Variants in HTR7 observed in about 807,000 individuals in gnomAD.
HTR7 encodes 5-HT-7.
Under a neutral mutation model 34.0 loss-of-function variants are expected in HTR7, and 16 were observed. That is an observed-to-expected ratio of 0.47 (90% CI 0.32 to 0.71). The LOEUF (loss-of-function observed/expected upper bound fraction) is 0.71, where lower values mean the gene tolerates loss of function less well. HTR7 is among the 30% of genes least tolerant of loss of function. The probability of loss-of-function intolerance (pLI) is 0.04; values close to 1 mark genes in which losing one functional copy is unlikely to be tolerated. For missense variants in HTR7, 504 were observed against 625.5 expected, an observed-to-expected ratio of 0.81 and a Z score of 2.07; for synonymous variants, 265 against 260.2, an observed-to-expected ratio of 1.02 and a Z score of -0.18.
chr10:90,793,106 G>T (rs1845484613), intron 1 of HTR7, among the ~76,000 whole-genome samples: 1 of 152,108 alleles, frequency 6.6e-6, no homozygotes, highest in Non-Finnish European at 1.5e-5. Flanking sequence ...TCAAGAGGGT[G>T]CAAAGGCAAC....
At chr10:90,849,970 G>A (rs919266633) in intron 1 of HTR7, among the ~76,000 whole-genome samples, 11 of 152,234 alleles carry the variant, frequency 7.2e-5, no homozygotes, top group East Asian at 3.8e-4. Flanking sequence ...TTCCCTTGGG[G>A]CACTTGCCAA....
chr10:90,746,156 A>G (rs1035561887), intron 2 of HTR7, among the ~76,000 whole-genome samples: 8 of 152,224 alleles, frequency 5.3e-5, no homozygotes, highest in Non-Finnish European at 1.0e-4. Context: ...CAGAATGGAA[A>G]TGAAGAAAAC....
chr10:90,771,350 G>A (rs1446067843), intron 1 of HTR7, among the ~76,000 whole-genome samples: 1 of 152,200 alleles, frequency 6.6e-6, no homozygotes, highest in Non-Finnish European at 1.5e-5. Context: ...CCCACCAAAT[G>A]GCGAGGCTAA....
At chr10:90,773,829 C>T (rs757720180) in intron 1 of HTR7, among the ~76,000 whole-genome samples, 4 of 152,196 alleles carry the variant, frequency 2.6e-5, no homozygotes, top group Non-Finnish European at 4.4e-5. Context: ...ATATGTACCA[C>T]ATTTCCTTTA....
intron 1 of HTR7, among the ~76,000 whole-genome samples, chr10:90,770,235 G>A (rs73314008): frequency 0.031 from 4,687 of 152,298 alleles, 202 homozygotes; most frequent in African/African-American, 0.097. Flanking sequence ...GAGGGAGCCA[G>A]GGATAAGAGG....
chr10:90,829,560 T>G (rs1319991035), intron 1 of HTR7, among the ~76,000 whole-genome samples: 1 of 151,238 alleles, frequency 6.6e-6, no homozygotes, highest in African/African-American at 2.4e-5. Context: ...GATGTTCCCC[T>G]CCCTGTGAAG....
At chr10:90,759,930 C>T (rs557837119) in intron 1 of HTR7, among the ~76,000 whole-genome samples, 27 of 152,282 alleles carry the variant, frequency 1.8e-4, no homozygotes, top group African/African-American at 6.0e-4. Flanking sequence ...ATAGTTTATA[C>T]AAATCCAACC....
intron 1 of HTR7, among the ~76,000 whole-genome samples, chr10:90,819,936 TG>T (rs1195166336): frequency 1.3e-5 from 2 of 152,334 alleles, no homozygotes; most frequent in East Asian, 3.9e-4. Flanking sequence ...ATCAGTTGAT[TG>T]AAAAAAATAC....
At chr10:90,791,540 G>A (rs1393648223) in intron 1 of HTR7, among the ~76,000 whole-genome samples, 1 of 152,064 alleles carries the variant, frequency 6.6e-6, no homozygotes, top group Non-Finnish European at 1.5e-5. Flanking sequence ...GTGTATGTAA[G>A]CATTTTAGTT....
intron 2 of HTR7, among the ~76,000 whole-genome samples, chr10:90,747,392 G>A (rs1292855875): frequency 1.3e-5 from 2 of 152,162 alleles, no homozygotes; most frequent in African/African-American, 4.8e-5. Context: ...TACAGTACAT[G>A]TTCTAGAACT....
chr10:90,745,583 T>C (rs1844620577), intron 2 of HTR7, among the ~76,000 whole-genome samples: 1 of 152,230 alleles, frequency 6.6e-6, no homozygotes, highest in African/African-American at 2.4e-5. Flanking sequence ...TTTCTGTATC[T>C]TCCTCAATGC....
chr10:90,832,480 C>T (rs566400956), intron 1 of HTR7, among the ~76,000 whole-genome samples: 12 of 152,292 alleles, frequency 7.9e-5, no homozygotes, highest in African/African-American at 2.9e-4. Context: ...AGTGCGGGCC[C>T]GCCAAGCCCA....
intron 1 of HTR7, among the ~76,000 whole-genome samples, chr10:90,787,176 C>A (rs930490086): frequency 2.1e-4 from 32 of 152,104 alleles, no homozygotes; most frequent in Non-Finnish European, 2.9e-5. Flanking sequence ...GCCAGACACA[C>A]TGGGGATACA....
At chr10:90,828,520 G>T (rs1044126994) in intron 1 of HTR7, among the ~76,000 whole-genome samples, 3 of 151,986 alleles carry the variant, frequency 2.0e-5, no homozygotes, top group African/African-American at 4.8e-5. Flanking sequence ...AAAAAGAAAG[G>T]CATTATAACT....
chr10:90,812,058 A>G (rs1845818958), intron 1 of HTR7, among the ~76,000 whole-genome samples: 2 of 152,226 alleles, frequency 1.3e-5, no homozygotes, highest in South Asian at 4.1e-4. Flanking sequence ...CACCAAGCTC[A>G]GCCACCAACT....
chr10:90,748,915 T>C lies in HTR7; in HGVS notation c.1219A>G (p.Asn407Asp). Residue 407 changes from asparagine to aspartate, a missense_variant, in exon 2 of 4, where the codon AAC (asparagine) becomes GAC (aspartate). Transcript: ENST00000336152. The part of the protein sequence containing the change: ...SLLQCQYRNI[N>D]RKLSAAGMHE... ...ATGCCTGCAGCTGAGAGCTTCCGGT[T>C]GATATTCCGGTACTGGCACTGGAGC... 6.2e-7 allele frequency: 1 copy of C among 1,614,176 alleles called. No individual in the cohort carries two copies. The highest frequency in any genetic ancestry group is 8.5e-7 in the Non-Finnish European group (1 of 1,180,014).
intron 1 of HTR7, among the ~76,000 whole-genome samples, chr10:90,762,952 G>T (rs1244834284): frequency 6.6e-6 from 1 of 152,090 alleles, no homozygotes; most frequent in African/African-American, 2.4e-5. Flanking sequence ...TGTATGTGGA[G>T]GTTTCCATGG....
At chr10:90,814,961 C>G (rs1405553093) in intron 1 of HTR7, among the ~76,000 whole-genome samples, 5 of 152,234 alleles carry the variant, frequency 3.3e-5, no homozygotes, top group Non-Finnish European at 5.9e-5. Flanking sequence ...GCCTAAGTCC[C>G]TTGGCTCAAC....
chr10:90,758,515 G>A (rs971936510), intron 1 of HTR7, among the ~76,000 whole-genome samples: 17 of 151,930 alleles, frequency 1.1e-4, no homozygotes, highest in African/African-American at 3.9e-4. Context: ...ACAAAGATAA[G>A]ACATAATAAT....
Sources: allele counts gnomAD v4.1 joint callset (sites outside exome capture counted in the v4.1 genomes callset), GRCh38; gene constraint gnomAD v4.1.1; transcripts MANE v1.5; gene names NCBI Gene and HGNC (gene_info 2026-07-23, HGNC 2026-07-21).